UPP2: variants seen among roughly 807,000 people sequenced by gnomAD.
The protein encoded by UPP2 is uridine phosphorylase 2.
UPP2 carries 23 observed loss-of-function variants against 26.7 expected under a neutral mutation model. The observed-to-expected ratio is 0.86, with a 90% CI of 0.62 to 1.22. The LOEUF is 1.22. Ranked by LOEUF, UPP2 falls within the 50% of genes most tolerant of loss-of-function variation. UPP2 has a pLI of 0.00. For synonymous variants in UPP2, 127 were observed against 141.3 expected (o/e 0.90, Z 0.72); for missense variants, 387 against 396.7 (o/e 0.98, Z 0.21).
chr2:158,057,562 C>T (rs549181435), intron 3 of UPP2, among the ~76,000 whole-genome samples: 2 of 93,238 alleles, frequency 2.1e-5, no homozygotes, highest in Admixed American at 2.4e-4. Flanking sequence ...TTCTCATCTA[C>T]CCCACACCAA....
chr2:158,044,552 C>T (rs1029923054), intron 3 of UPP2, among the ~76,000 whole-genome samples: 2 of 151,978 alleles, frequency 1.3e-5, no homozygotes, highest in African/African-American at 2.4e-5. Flanking sequence ...GAGACTATTA[C>T]GACATTTACA....
intron 3 of UPP2, among the ~76,000 whole-genome samples, chr2:158,076,081 T>G (rs936994142): frequency 6.6e-6 from 1 of 151,726 alleles, no homozygotes; most frequent in African/African-American, 2.4e-5. Flanking sequence ...CTGGAAGAAA[T>G]AGATAAATTC....
At chr2:158,033,275 G>T (rs191259964) in intron 3 of UPP2, among the ~76,000 whole-genome samples, 5 of 152,274 alleles carry the variant, frequency 3.3e-5, no homozygotes, top group African/African-American at 1.2e-4. Flanking sequence ...GAAGGGTATA[G>T]CTCCACTCCC....
At chr2:158,081,314 T>C (rs1168335823) in intron 3 of UPP2, among the ~76,000 whole-genome samples, 13 of 152,178 alleles carry the variant, frequency 8.5e-5, no homozygotes, top group Non-Finnish European at 1.6e-4. Flanking sequence ...TGTATTGCAC[T>C]ATGTTCTTAT....
intron 2 of UPP2, among the ~76,000 whole-genome samples, chr2:158,011,010 CCA>C (rs1250033873): frequency 6.6e-6 from 1 of 152,062 alleles, no homozygotes; most frequent in Non-Finnish European, 1.5e-5. Flanking sequence ...AATGATCCAC[CCA>C]CCTCGACCTC....
intron 6 of UPP2, 27 bp downstream of exon 6, chr2:158,123,922 C>A: frequency 6.2e-7 from 1 of 1,604,038 alleles, no homozygotes; most frequent in South Asian, 1.1e-5. Context: ...TGCTTAGGGT[C>A]AAATTCTCCT....
At chr2:158,093,311 G>GA (rs144798559) in intron 3 of UPP2, among the ~76,000 whole-genome samples, 1 of 136,658 alleles carries the variant, frequency 7.3e-6, no homozygotes, top group East Asian at 2.4e-4. Flanking sequence ...CACACAATTA[G>GA]AAAAAAAATA....
At chr2:158,058,089 C>T (rs59476889) in intron 3 of UPP2, among the ~76,000 whole-genome samples, 107,172 of 151,800 alleles carry the variant, frequency 0.71, 38,584 homozygotes, top group African/African-American at 0.8. Flanking sequence ...GTCAGGAGAT[C>T]GAGACCATCC....
chr2:158,035,921 C>T (rs1003271218), intron 3 of UPP2, among the ~76,000 whole-genome samples: 6 of 152,166 alleles, frequency 3.9e-5, no homozygotes, highest in African/African-American at 7.2e-5. Flanking sequence ...TTGATTTTCA[C>T]GTTAAACATA....
At chr2:158,010,849 T>C (rs924541843) in intron 2 of UPP2, among the ~76,000 whole-genome samples, 1 of 150,586 alleles carries the variant, frequency 6.6e-6, no homozygotes, top group Non-Finnish European at 1.5e-5. Context: ...CACTGCAATC[T>C]CTGCCTCCTG....
chr2:158,016,090 G>A (rs539249365), intron 3 of UPP2, among the ~76,000 whole-genome samples: 17 of 150,880 alleles, frequency 1.1e-4, no homozygotes, highest in Non-Finnish European at 2.1e-4. Context: ...GTGCACAAGG[G>A]CTCCAGTTTC....
intron 3 of UPP2, among the ~76,000 whole-genome samples, chr2:158,093,820 A>G (rs911542126): frequency 6.6e-6 from 1 of 152,006 alleles, no homozygotes; most frequent in South Asian, 2.1e-4. Context: ...ATCTAGTAAA[A>G]CTGAATACAT....
In UPP2 at chr2:157,995,354, T is replaced by C. The variant is rs982980970; in HGVS notation, c.61+95T>C. The C allele has an allele frequency of 2.9e-6, 4 of 1,372,090 alleles. No individual in the cohort carries two copies. The East Asian group carries it at 7.1e-5, about 24-fold the overall frequency. The allele number at this position is 1,372,090 out of a possible 1,614,324, so 85.0% of individuals were successfully genotyped here. A position where few individuals can be genotyped will look rare whatever the true frequency, so the allele number is the denominator to read the frequency against. Reference sequence around the variant, plus strand: ...TACAAATTAATTTTGAATTATGTGGTTGATGTTTTCCACATTTCAGCTTCC... The same window carrying C: ...TACAAATTAATTTTGAATTATGTGGCTGATGTTTTCCACATTTCAGCTTCC... On this transcript the variant is annotated intron_variant, in intron 2 of 9. Transcript: ENST00000605860.
chr2:158,002,484 A>G (rs1175810141), intron 2 of UPP2, among the ~76,000 whole-genome samples: 1 of 152,264 alleles, frequency 6.6e-6, no homozygotes, highest in Non-Finnish European at 1.5e-5. Flanking sequence ...CCACTTAGCC[A>G]AGGTAAGAGG....
In UPP2 at chr2:158,115,254, A is replaced by G. The variant is rs1358363138; in HGVS notation, c.334A>G (p.Ile112Val). The change falls in exon 3 of 7, where the codon ATC (isoleucine) becomes GTC (valine). Residue 112 changes from isoleucine to valine, a missense_variant. Physicochemically the swap from Ile to Val is conservative, Grantham distance 29. Transcript: ENST00000005756. The part of the protein sequence containing the change: ...CMYKTGPVLA[I>V]SHGMGIPSIS... ...GTACAAAACCGGGCCTGTGCTCGCC[A>G]TCAGTGTAAGTATCCATGGTTGCAT... is the stretch of plus-strand genomic sequence containing the variant. The G allele has an allele frequency of 1.5e-5, 24 of 1,607,520 alleles. No individual in the cohort carries two copies. Among genetic ancestry groups the G allele is most frequent in the Non-Finnish European group, 1.8e-5 (21 of 1,177,456 alleles).
intron 3 of UPP2, among the ~76,000 whole-genome samples, chr2:158,095,600 G>A (rs1015832301): frequency 1.3e-5 from 2 of 152,070 alleles, no homozygotes; most frequent in African/African-American, 4.8e-5. Context: ...ACTCACTATA[G>A]GATCTCAGGC....
intron 6 of UPP2, among the ~76,000 whole-genome samples, chr2:158,131,031 T>C (rs1203158154): frequency 2.0e-5 from 3 of 152,214 alleles, no homozygotes; most frequent in African/African-American, 7.2e-5. Context: ...GAGATTAATG[T>C]TTCAGCGGAG....
rs147718051 is a variant in UPP2 at position 158,059,362 on chromosome 2, T to A, written c.148-42678T>A. 3.9e-4 allele frequency among the ~76,000 whole-genome samples: 59 copies of A among 152,300 alleles called. No individual in the cohort carries two copies. In the East Asian group the frequency reaches 6.4e-3, roughly 16 times the overall value. On this transcript the variant is annotated intron_variant, in intron 3 of 9. Transcript: ENST00000605860. ...ACTAATGCCTGTCAGCCTTTCAAAT[T>A]ATATGGCCATTTAAATTGATGGCTA...
chr2:158,035,178 G>A (rs546461586), intron 3 of UPP2, among the ~76,000 whole-genome samples: 1 of 148,488 alleles, frequency 6.7e-6, no homozygotes, highest in Non-Finnish European at 1.5e-5. Flanking sequence ...TTTTTTCTGA[G>A]ATGGAGTCTT....
Sources: allele counts gnomAD v4.1 joint callset (sites outside exome capture counted in the v4.1 genomes callset), GRCh38; gene constraint gnomAD v4.1.1; transcripts MANE v1.5; gene names NCBI Gene and HGNC (gene_info 2026-07-23, HGNC 2026-07-21).